AUTS2: variants seen among roughly 807,000 people sequenced by gnomAD.
AUTS2 encodes the protein autism susceptibility gene 2 protein.
AUTS2 carries 17 observed loss-of-function variants against 112.4 expected under a neutral mutation model. The ratio of observed to expected loss-of-function variants is 0.15; its 90% CI spans 0.10 to 0.23. The LOEUF (loss-of-function observed/expected upper bound fraction) is 0.23, where lower values mean the gene tolerates loss of function less well. Among genes scored for constraint, AUTS2 ranks in the 10% least tolerant of loss-of-function variants. The pLI, the probability that AUTS2 is intolerant of heterozygous loss-of-function variation, is 1.00. For synonymous variants in AUTS2, 751 were observed against 702.7 expected (o/e 1.07, Z -1.09); for missense variants, 1,510 against 1,701.6 (o/e 0.89, Z 1.98).
intron 1 of AUTS2, among the ~76,000 whole-genome samples, chr7:69,727,638 T>C (rs531036213): frequency 1.3e-5 from 2 of 152,230 alleles, no homozygotes; most frequent in African/African-American, 4.8e-5. Context: ...TTTATGTCTA[T>C]TTCTGTTTAG....
intron 5 of AUTS2, among the ~76,000 whole-genome samples, chr7:70,522,645 G>T (rs1169662488): frequency 6.6e-6 from 1 of 152,164 alleles, no homozygotes; most frequent in African/African-American, 2.4e-5. Context: ...TTGTTCTTTT[G>T]TATGGCTGCT....
At chr7:70,535,438 G>A (rs563616003) in intron 5 of AUTS2, among the ~76,000 whole-genome samples, 30 of 151,480 alleles carry the variant, frequency 2.0e-4, no homozygotes, top group African/African-American at 4.8e-4. Flanking sequence ...TTTTTGAGAC[G>A]GAGTCTCACT....
chr7:69,720,811 A>C (rs1203848556), intron 1 of AUTS2, among the ~76,000 whole-genome samples: 1 of 152,110 alleles, frequency 6.6e-6, no homozygotes, highest in East Asian at 1.9e-4. Context: ...TTTCAGGGAG[A>C]TTTACTAGGA....
At position 70,410,545 on chromosome 7, in the gene AUTS2, T is replaced by C. The variant is rs545699994; in HGVS notation, c.661-25207T>C. Among the ~76,000 whole-genome samples, 4 of 151,788 alleles carry C rather than the reference T, an allele frequency of 2.6e-5. No homozygotes were observed. In the South Asian group the frequency reaches 8.3e-4, roughly 32 times the overall value. On this transcript the variant is annotated intron_variant, in intron 4 of 18. Coordinates refer to ENST00000342771, the MANE Select transcript of AUTS2 (RefSeq NM_015570.4). ...CTTGATTGAGCCTCCCACATCTGCC[T>C]CCAGAGTAGCTGAAACTATAGGCAT...
chr7:70,482,579 G>C (rs775007863), intron 5 of AUTS2, among the ~76,000 whole-genome samples: 18 of 152,220 alleles, frequency 1.2e-4, no homozygotes, highest in Non-Finnish European at 2.4e-4. Context: ...TGCTGTTCTA[G>C]ACAAAGAATC....
At chr7:70,585,053 T>G (rs1294289946) in intron 5 of AUTS2, among the ~76,000 whole-genome samples, 1 of 152,250 alleles carries the variant, frequency 6.6e-6, no homozygotes, top group Non-Finnish European at 1.5e-5. Context: ...AGCAAGCATC[T>G]AATTCAGCAC....
chr7:70,232,527 C>T (rs143287083), intron 4 of AUTS2, among the ~76,000 whole-genome samples: 84 of 152,202 alleles, frequency 5.5e-4, no homozygotes, highest in African/African-American at 2.0e-3. Context: ...CCTCAGACTC[C>T]CCAGTAGCTG....
intron 5 of AUTS2, among the ~76,000 whole-genome samples, chr7:70,587,202 T>C (rs527295542): frequency 6.5e-4 from 99 of 152,264 alleles, no homozygotes; most frequent in African/African-American, 2.3e-3. Flanking sequence ...CTCTGCCTCC[T>C]GAGTAGCTGG....
At chr7:70,376,018 T>C (rs779584416) in intron 4 of AUTS2, among the ~76,000 whole-genome samples, 14 of 150,526 alleles carry the variant, frequency 9.3e-5, no homozygotes, top group Non-Finnish European at 1.8e-4. Context: ...TTTTTTGTCG[T>C]TAAAAAAAAA....
At chr7:70,711,471 A>G (rs982242639) in intron 6 of AUTS2, among the ~76,000 whole-genome samples, 1 of 152,164 alleles carries the variant, frequency 6.6e-6, no homozygotes, top group African/African-American at 2.4e-5. Context: ...TACCTCCACA[A>G]TACCTGCTCG....
intron 5 of AUTS2, among the ~76,000 whole-genome samples, chr7:70,486,822 G>GTGGTGGTGC (rs1798021644): frequency 6.6e-6 from 1 of 151,918 alleles, no homozygotes; most frequent in Non-Finnish European, 1.5e-5. Flanking sequence ...GTAGTCTGTG[G>GTGGTGGTGC]TGGTGGTGCT....
At chr7:69,687,906 A>C (rs1056227339) in intron 1 of AUTS2, among the ~76,000 whole-genome samples, 2 of 152,176 alleles carry the variant, frequency 1.3e-5, no homozygotes, top group African/African-American at 4.8e-5. Flanking sequence ...TGAAAACACA[A>C]AAGAGGATTA....
intron 5 of AUTS2, among the ~76,000 whole-genome samples, chr7:70,570,941 C>T (rs568077449): frequency 3.3e-5 from 5 of 152,278 alleles, no homozygotes; most frequent in African/African-American, 9.6e-5. Context: ...CTCTCTAAGG[C>T]CCCATGCACA....
At chr7:70,773,714 C>T (rs1790508357) in intron 11 of AUTS2, among the ~76,000 whole-genome samples, 1 of 152,216 alleles carries the variant, frequency 6.6e-6, no homozygotes, top group African/African-American at 2.4e-5. Context: ...GCCATGGGTT[C>T]ATTCAGAGGA....
intron 4 of AUTS2, among the ~76,000 whole-genome samples, chr7:70,146,978 C>A (rs1807159609): frequency 6.6e-6 from 1 of 152,096 alleles, no homozygotes; most frequent in African/African-American, 2.4e-5. Flanking sequence ...TAGGTAGGGA[C>A]TATCAAAAGA....
At chr7:69,821,988 T>C (rs1243609704) in intron 1 of AUTS2, among the ~76,000 whole-genome samples, 1 of 149,336 alleles carries the variant, frequency 6.7e-6, no homozygotes, top group Non-Finnish European at 1.5e-5. Flanking sequence ...CCACTGAAGG[T>C]TATTGAGCAG....
chr7:70,024,791 G>A (rs1208664758), intron 2 of AUTS2, among the ~76,000 whole-genome samples: 1 of 152,136 alleles, frequency 6.6e-6, no homozygotes, highest in Non-Finnish European at 1.5e-5. Flanking sequence ...TCTTCTTTGT[G>A]ATACCTTATT....
chr7:70,692,275 G>T (rs968745746), intron 5 of AUTS2, among the ~76,000 whole-genome samples: 10 of 152,214 alleles, frequency 6.6e-5, no homozygotes, highest in African/African-American at 2.4e-4. Flanking sequence ...CCATGCCATC[G>T]TGCTCTCAGT....
intron 1 of AUTS2, among the ~76,000 whole-genome samples, chr7:69,762,247 C>G (rs1584205229): frequency 1.6e-5 from 2 of 126,912 alleles, no homozygotes; most frequent in Admixed American, 8.1e-5. Flanking sequence ...CTTTCCAGTT[C>G]TTTCACTTAT....
Sources: allele counts gnomAD v4.1 joint callset (sites outside exome capture counted in the v4.1 genomes callset), GRCh38; gene constraint gnomAD v4.1.1; transcripts MANE v1.5; gene names NCBI Gene and HGNC (gene_info 2026-07-23, HGNC 2026-07-21).